Variants in MND1 observed in about 807,000 individuals in gnomAD.
MND1 encodes meiotic nuclear divisions 1.
Under a neutral mutation model 35.1 loss-of-function variants are expected in MND1, and 28 were observed. The ratio of observed to expected loss-of-function variants is 0.80; its 90% CI spans 0.59 to 1.09. The LOEUF (loss-of-function observed/expected upper bound fraction) is 1.09. MND1 is among the 50% of genes least tolerant of loss of function. The pLI is 0.00. For synonymous variants in MND1, 69 were observed against 70.5 expected, an observed-to-expected ratio of 0.98 and a Z score of 0.11; for missense variants, 213 against 239.6, an observed-to-expected ratio of 0.89 and a Z score of 0.73.
chr4:153,350,172 A>G (rs1440079), intron 2 of MND1, 43 bp downstream of exon 2: 72,323 of 1,411,800 alleles, frequency 0.051, 2,638 homozygotes, highest in African/African-American at 0.13. Context: ...TGTAATTTTC[A>G]TCTTAAGTAT....
In MND1 at chr4:153,414,824, T is replaced by C. The variant is rs1042621972; in HGVS notation, c.585T>C (p.Phe195=). The C allele has an allele frequency of 6.4e-7, 1 of 1,558,830 alleles. No homozygotes were observed. Among genetic ancestry groups the C allele is most frequent in the African/African-American group, 1.4e-5 (1 of 73,058 alleles). The part of the protein sequence containing the change: ...GFEENKIDRT[F]GIPEDFDYID ...AAGAAAATAAAATTGATAGAACTTT[T>C]GGAATTCCAGAAGACTTTGACTACA... The change falls in exon 8 of 8, where the codon TTT becomes TTC. Residue 195 remains phenylalanine, a synonymous_variant. Coordinates refer to ENST00000240488, the MANE Select transcript of MND1 (RefSeq NM_032117.4).
At chr4:153,380,490 C>A (rs1728646101) in intron 4 of MND1, among the ~76,000 whole-genome samples, 1 of 152,098 alleles carries the variant, frequency 6.6e-6, no homozygotes, top group Non-Finnish European at 1.5e-5. Flanking sequence ...GTCTTATTGG[C>A]CAGATCTGAA....
At chr4:153,407,253 T>TG (rs1191648997) in intron 6 of MND1, among the ~76,000 whole-genome samples, 1 of 152,110 alleles carries the variant, frequency 6.6e-6, no homozygotes, top group African/African-American at 2.4e-5. Context: ...CACCTGAGGT[T>TG]GGGACTTGGA....
intron 4 of MND1, among the ~76,000 whole-genome samples, chr4:153,393,368 CTTTTT>C (rs60689772): frequency 8.0e-6 from 1 of 125,334 alleles, no homozygotes; most frequent in Admixed American, 8.1e-5. Context: ...CAATTTCTTT[CTTTTT>C]TTTTTTTTTT....
At chr4:153,381,306 A>G (rs1325428042) in intron 4 of MND1, among the ~76,000 whole-genome samples, 2 of 152,048 alleles carry the variant, frequency 1.3e-5, no homozygotes, top group South Asian at 2.1e-4. Context: ...TGTTGAAGCT[A>G]TTTGGTAGAT....
chr4:153,345,570 A>T, intron 1 of MND1: 11 of 981,486 alleles, frequency 1.1e-5, no homozygotes, highest in Non-Finnish European at 1.3e-5. Context: ...AAACCTTCAA[A>T]GTTTCATGCC....
chr4:153,413,295 G>A lies in MND1; in HGVS notation c.512-1456G>A, dbSNP rs556337688. On this transcript the variant is annotated intron_variant, in intron 7 of 7. Transcript: ENST00000240488. ...AACATTTTACAGAATACTCCGACAA[G>A]CTATAAAATCTTATACCATTATTTT... Among the ~76,000 whole-genome samples, 3 of 152,182 alleles carry A rather than the reference G, an allele frequency of 2.0e-5. No individual in the cohort carries two copies. In the South Asian group the frequency reaches 6.2e-4, roughly 32 times the overall value.
chr4:153,362,869 A>G (rs772320856), intron 4 of MND1: 2 of 362,118 alleles, frequency 5.5e-6, no homozygotes, highest in African/African-American at 4.4e-5. Context: ...ACCAATTTTT[A>G]TATTAATTTC....
At position 153,406,886 on chromosome 4, in the gene MND1, C is replaced by A. The variant is rs552845312; in HGVS notation, c.467-2085C>A. ...TTACGGTGCCACGTATTTGGGGAAA[C>A]CTCACAATCATGGTGGAAGGTGAAA... On this transcript the variant is annotated intron_variant, in intron 6 of 7. Transcript: ENST00000240488. Among the ~76,000 whole-genome samples, 3 of 152,302 alleles carry A rather than the reference C, an allele frequency of 2.0e-5. No individual in the cohort carries two copies. In the South Asian group the frequency reaches 6.2e-4, roughly 32 times the overall value.
chr4:153,414,638 T>G (rs1729783824), intron 7 of MND1, 113 bp from the exon 8 acceptor site: 2 of 493,422 alleles, frequency 4.1e-6, no homozygotes, highest in South Asian at 4.0e-5. Context: ...AACTCCTTAT[T>G]TTGATATATC....
rs144856642 is a variant in MND1, at chr4:153,409,071, C to T, written c.511+56C>T. On this transcript the variant is annotated intron_variant, in intron 7 of 7. Transcript: ENST00000240488. ...AGCTAAATTCCCTTCACACTTACTG[C>T]GACGTGAAATTCAGATACCTTGTGC... 245 of 1,044,288 alleles carry T rather than the reference C, an allele frequency of 2.3e-4. 1 individual carries two copies. In the African/African-American group the frequency reaches 3.6e-3, roughly 16 times the overall value. 64.7% of individuals were successfully genotyped at this position (1,044,288 alleles called of 1,614,324 possible). A position where few individuals can be genotyped will look rare whatever the true frequency, so the allele number is the denominator to read the frequency against.
At chr4:153,390,785 T>C (rs564352375) in intron 4 of MND1, among the ~76,000 whole-genome samples, 44 of 151,842 alleles carry the variant, frequency 2.9e-4, no homozygotes, top group Non-Finnish European at 5.9e-4. Flanking sequence ...AAGGCAAAGG[T>C]TGCAGTGAGC....
Position 153,350,105 on chromosome 4 carries a change from C to T in MND1, c.45C>T (p.Arg15=). Residue 15 remains arginine (R), a synonymous_variant, in exon 2 of 8, where the codon CGC becomes CGT. Transcript: ENST00000240488. ...TGAGTGCAGAAGAAAAGAGAACTCGCATGATGGAAATATTTTCTGAAACAG... is the reference window on the plus strand; with the variant it reads ...TGAGTGCAGAAGAAAAGAGAACTCGTATGATGGAAATATTTTCTGAAACAG... ...KGLSAEEKRT[R]MMEIFSETKD... 1.2e-6 allele frequency: 2 copies of T among 1,605,216 alleles called. No individual in the cohort carries two copies. The highest frequency in any genetic ancestry group is 1.7e-6 in the Non-Finnish European group (2 of 1,176,448).
chr4:153,357,103 A>C (rs1382510951), intron 3 of MND1, among the ~76,000 whole-genome samples: 2 of 152,206 alleles, frequency 1.3e-5, no homozygotes, highest in African/African-American at 4.8e-5. Flanking sequence ...GATTACAGGC[A>C]TGAGCCACCA....
intron 4 of MND1, among the ~76,000 whole-genome samples, chr4:153,386,048 G>T (rs556208024): frequency 6.6e-6 from 1 of 152,184 alleles, no homozygotes; most frequent in Admixed American, 6.5e-5. Flanking sequence ...ACCATCTTGC[G>T]TGGGATTTTG....
At chr4:153,353,581 T>C (rs542872599) in intron 2 of MND1, among the ~76,000 whole-genome samples, 1 of 151,710 alleles carries the variant, frequency 6.6e-6, no homozygotes, top group Non-Finnish European at 1.5e-5. Flanking sequence ...TTGGTATTTG[T>C]CGTTTCATTT....
rs532014658 is a variant in MND1 at position 153,355,535 on chromosome 4, A to G, written c.70-119A>G. ...TTGTATACCTATATCAAAATATCAC[A>G]CATACCCTGTAAATGTATACAACTA... On this transcript the variant is annotated intron_variant, in intron 2 of 7. Coordinates refer to ENST00000240488, the MANE Select transcript of MND1 (RefSeq NM_032117.4). 1.4e-5 allele frequency: 9 copies of G among 649,098 alleles called. No individual in the cohort carries two copies. The East Asian group carries it at 2.6e-4, about 19-fold the overall frequency. 40.2% of individuals were successfully genotyped at this position (649,098 alleles called of 1,614,324 possible).
chr4:153,380,612 C>T (rs974149629), intron 4 of MND1, among the ~76,000 whole-genome samples: 7 of 152,248 alleles, frequency 4.6e-5, no homozygotes, highest in Admixed American at 6.5e-5. Flanking sequence ...GTTCTCTTAA[C>T]GAAGAAGGGC....
intron 4 of MND1, among the ~76,000 whole-genome samples, chr4:153,382,295 T>C (rs780213053): frequency 2.0e-5 from 3 of 152,242 alleles, no homozygotes; most frequent in Non-Finnish European, 4.4e-5. Flanking sequence ...TTTAAAGTTA[T>C]ATGCATTCAC....
Sources: gnomAD v4.1 joint callset for allele counts (sites outside exome capture counted in the v4.1 genomes callset) on GRCh38, gnomAD v4.1.1 for gene constraint, MANE v1.5 for transcripts, NCBI Gene and HGNC (gene_info 2026-07-23, HGNC 2026-07-21) for gene names.